The following DPP7 variants were observed in gnomAD, a reference collection of about 807,000 sequenced individuals.
DPP7 encodes dipeptidyl peptidase 2.
A neutral mutation model predicts 58.8 loss-of-function variants in DPP7; 74 were observed. That is an observed-to-expected ratio of 1.26 (90% CI 1.04 to 1.53). The LOEUF is 1.53. Among genes scored for constraint, DPP7 ranks in the 40% most tolerant of loss-of-function variants. The pLI, the probability that DPP7 is intolerant of heterozygous loss-of-function variation, is 0.00. For missense variants in DPP7, 807 were observed against 692.3 expected (o/e 1.17, Z -1.86); for synonymous variants, 350 against 303.6 (o/e 1.15, Z -1.59).
rs748569312 is a variant in DPP7, at chr9:137,112,032, G to A, written c.1051-3C>T. ...GTCAGGTTGATCTCGGTGCAGGCCT[G>A]CAGGTGCCCCAGCCTGAGTCAGGCC... On this transcript the variant is annotated splice_polypyrimidine_tract_variant and splice_region_variant and intron_variant, in intron 9 of 12. Coordinates refer to ENST00000371579, the MANE Select transcript of DPP7 (RefSeq NM_013379.3). 1.9e-6 allele frequency: 3 copies of A among 1,613,138 alleles called. No individual in the cohort carries two copies. The highest frequency in any genetic ancestry group is 2.2e-5 in the South Asian group (2 of 91,062).
Position 137,114,383 on chromosome 9 carries a change from C to T in DPP7, c.182-1G>A, listed in dbSNP as rs367644282. 5 of 1,600,840 alleles carry T rather than the reference C, an allele frequency of 3.1e-6. No individual in the cohort carries two copies. The highest frequency in any genetic ancestry group is 4.3e-6 in the Non-Finnish European group (5 of 1,174,924). On this transcript the variant is annotated splice_acceptor_variant, in intron 2 of 12. Coordinates refer to ENST00000371579, the MANE Select transcript of DPP7 (RefSeq NM_013379.3). LOFTEE classifies it high-confidence loss of function. ...CCCTCGCCCCGGACCCAGAACCTGT[C>T]TGTGGGGAGGGCGGATGAGGCGAGG...
chr9:137,113,772 C>CG, intron 4 of DPP7, 93 bp downstream of exon 4: 1 of 1,200,292 alleles, frequency 8.3e-7, no homozygotes, highest in East Asian at 3.9e-5. Flanking sequence ...GAAAAGGCAG[C>CG]GGTGGGAGTC....
Position 137,110,893 on chromosome 9 carries a change from G to C in DPP7, c.1330C>G (p.His444Asp). 6.2e-7 allele frequency: 1 copy of C among 1,612,668 alleles called. No homozygotes were observed. Among genetic ancestry groups the C allele is most frequent in the Non-Finnish European group, 8.5e-7 (1 of 1,179,858 alleles). ...IAVTIQGGAH[H>D]LDLRASHPED... ...CTCCCTCCGCACCTGAGGTCGAGGTGGTGCGCTCCCCCCTGGATGGTGACG... is the reference window on the plus strand; with the variant it reads ...CTCCCTCCGCACCTGAGGTCGAGGTCGTGCGCTCCCCCCTGGATGGTGACG... Residue 444 changes from histidine to aspartate, a missense_variant, in exon 12 of 13, where the codon CAC becomes GAC. By Grantham distance (81) the His-to-Asp change is moderately conservative. Coordinates refer to ENST00000371579, the MANE Select transcript of DPP7 (RefSeq NM_013379.3).
At chr9:137,115,654 C>T (rs573740477), upstream of DPP7, among the ~76,000 whole-genome samples, 2 of 152,250 alleles carry the variant, frequency 1.3e-5, no homozygotes, top group African/African-American at 4.8e-5. Flanking sequence ...GAAGACCGGC[C>T]ACTTCCACAG....
At chr9:137,113,793 G>A in intron 4 of DPP7, 72 bp downstream of exon 4, 2 of 1,389,138 alleles carry the variant, frequency 1.4e-6, no homozygotes, top group Non-Finnish European at 1.9e-6. Context: ...AGAGGGGAGT[G>A]GGGAGAAGGG....
At position 137,114,573 on chromosome 9, in the gene DPP7, C is replaced by A. The variant is rs199711082; in HGVS notation, c.71G>T (p.Arg24Leu). The A allele has an allele frequency of 1.3e-6, 2 of 1,536,864 alleles. No individual in the cohort carries two copies. Among genetic ancestry groups the A allele is most frequent in the Admixed American group, 2.0e-5 (1 of 50,716 alleles). ...CTGGAAGCCGGGGTCCGGGGCCCTG[C>A]GGGCTGTGGGGGGACGCGAACCTCA... is the stretch of plus-strand genomic sequence containing the variant. ...LGLRGLQAGA[R>L]RAPDPGFQER... Residue 24 changes from arginine to leucine, a missense_variant, in exon 2 of 13, where the codon CGC (arginine) becomes CTC (leucine). Coordinates refer to ENST00000371579, the MANE Select transcript of DPP7 (RefSeq NM_013379.3).
upstream of DPP7, among the ~76,000 whole-genome samples, chr9:137,116,813 G>A (rs1326967634): frequency 6.6e-6 from 1 of 152,212 alleles, no homozygotes; most frequent in African/African-American, 2.4e-5. Flanking sequence ...TCTATTCTGA[G>A]ACAGGAGAAA....
chr9:137,113,993 C>T lies in DPP7; in HGVS notation c.357G>A (p.Gln119=). 1.3e-6 allele frequency: 2 copies of T among 1,557,312 alleles called. No individual in the cohort carries two copies. The highest frequency in any genetic ancestry group is 2.4e-5 in the East Asian group (1 of 41,552). The change falls in exon 4 of 13, where the codon CAG becomes CAA. Residue 119 remains glutamine, a synonymous_variant. Transcript: ENST00000371579. ...YYGKSLPFGA[Q]STQRGHTELL... is the part of the protein sequence containing the mutation. The stretch of plus-strand genomic sequence containing the variant: ...GCTCCGTGTGCCCGCGCTGCGTGGA[C>T]TGCGCACCGAACGGCAGCGACTTCC...
At position 137,113,209 on chromosome 9, in the gene DPP7, C is replaced by T. The variant is rs1831463717; in HGVS notation, c.700G>A (p.Gly234Arg). The T allele has an allele frequency of 1.2e-6, 2 of 1,613,666 alleles. No individual in the cohort carries two copies. Among genetic ancestry groups the T allele is most frequent in the Non-Finnish European group, 1.7e-6 (2 of 1,179,960 alleles). ...GGAGGCGGTGGGAGGACCTCACCTC[C>T]CTGTAGGAACAAGTCCTTGATCTGT... ...FRQIKDLFLQGAYDTVRWEFG... is the reference protein window; with the variant it reads ...FRQIKDLFLQRAYDTVRWEFG... Residue 234 changes from glycine to arginine, a missense_variant, in exon 6 of 13, where the codon GGA (glycine) becomes AGA (arginine). Gly to Arg is a moderately radical substitution (Grantham distance 125). Around this residue, in one of 3 missense-constraint regions of DPP7, gnomAD observed 624 missense variants for 531.2 expected, o/e 1.17. Coordinates refer to ENST00000371579, the MANE Select transcript of DPP7 (RefSeq NM_013379.3).
In DPP7 at chr9:137,110,706, T is replaced by G; in HGVS notation, c.1421A>C (p.Lys474Thr). The change falls in exon 13 of 13, where the codon AAG becomes ACG. Residue 474 changes from lysine to threonine, a missense_variant. Lys to Thr is a moderately conservative substitution (Grantham distance 78, BLOSUM62 -1). This residue lies in a region of DPP7 where 624 missense variants were observed against 531.2 expected (regional missense o/e 1.17). Coordinates refer to ENST00000371579, the MANE Select transcript of DPP7 (RefSeq NM_013379.3). ...LEATIIGEWV[K>T]AARREQQPAL... Reference sequence around the variant, plus strand: ...TGGCTGCTGCTCACGCCTGGCTGCCTTTACCCACTCGCCGATGATGGTGGC... The same window carrying G: ...TGGCTGCTGCTCACGCCTGGCTGCCGTTACCCACTCGCCGATGATGGTGGC... 1 of 1,608,618 alleles carries G rather than the reference T, an allele frequency of 6.2e-7. No homozygotes were observed. Among genetic ancestry groups the G allele is most frequent in the Non-Finnish European group, 8.5e-7 (1 of 1,179,912 alleles).
In DPP7 at chr9:137,111,728, A is replaced by G. The variant is rs759971920; in HGVS notation, c.1234T>C (p.Phe412Leu). The change falls in exon 11 of 13, where the codon TTC becomes CTC. Residue 412 changes from phenylalanine (F) to leucine (L), a missense_variant. Phe to Leu is a conservative substitution (Grantham distance 22). Around this residue, in one of 3 missense-constraint regions of DPP7, gnomAD observed 624 missense variants for 531.2 expected, o/e 1.17. Coordinates refer to ENST00000371579, the MANE Select transcript of DPP7 (RefSeq NM_013379.3). ...GDLRAASNII[F>L]SNGNLDPWAG... is the part of the protein sequence containing the mutation. ...CAGGGGTCCAGGTTCCCGTTGGAGA[A>G]GATGATGTTGCTGGCGGCTCTGAGA... The G allele has an allele frequency of 6.8e-6, 11 of 1,613,688 alleles. No individual in the cohort carries two copies. Among genetic ancestry groups the G allele is most frequent in the Non-Finnish European group, 1.7e-6 (2 of 1,179,990 alleles).
At position 137,112,956 on chromosome 9, in the gene DPP7, G is replaced by T; in HGVS notation, c.867C>A (p.Val289=). Residue 289 remains valine (V), a synonymous_variant, in exon 7 of 13, where the codon GTC becomes GTA. Transcript: ENST00000371579. ...GCCCTGGGAGGCGGCGCCTCACCTT[G>T]ACGGGGTTGGCAGGGAGGGGACCCA... The part of the protein sequence containing the change: ...DFLGPLPANP[V]KVGCDRLLSE... 1 of 1,613,326 alleles carries T rather than the reference G, an allele frequency of 6.2e-7. No individual in the cohort carries two copies. Among genetic ancestry groups the T allele is most frequent in the Non-Finnish European group, 8.5e-7 (1 of 1,179,950 alleles).
upstream of DPP7, among the ~76,000 whole-genome samples, chr9:137,115,987 C>T (rs753799671): frequency 1.3e-5 from 2 of 152,172 alleles, no homozygotes; most frequent in African/African-American, 4.8e-5. Flanking sequence ...CTTAGGTGGC[C>T]AGAACTCCAC....
rs768469511 is a variant in DPP7 at position 137,113,842 on chromosome 9, C to T, written c.485+23G>A. 35 of 1,057,630 alleles carry T rather than the reference C, an allele frequency of 3.3e-5. 2 individuals are homozygous for T. The South Asian group carries it at 6.5e-4, about 20-fold the overall frequency. The allele number at this position is 1,057,630 out of a possible 1,614,324, so 65.5% of individuals were successfully genotyped here. ...GTCGGGGCAGGGGAGGGAGGGGGTG[C>T]GGAGGCCGGGGGAGGCGCCCACCTT... On this transcript the variant is annotated intron_variant, in intron 4 of 12. Transcript: ENST00000371579.
chr9:137,112,568 G>A, intron 8 of DPP7, 177 bp downstream of exon 8: 3 of 804,362 alleles, frequency 3.7e-6, no homozygotes, highest in Non-Finnish European at 5.8e-6. Flanking sequence ...GGTCCCCAGG[G>A]ACGGCCCCTG....
intron 8 of DPP7, 135 bp from the exon 9 acceptor site, chr9:137,112,365 G>A (rs1219774768): frequency 2.7e-6 from 2 of 740,670 alleles, no homozygotes; most frequent in Non-Finnish European, 4.3e-6. Flanking sequence ...AGTGAGGAAG[G>A]CCCTCCAGGC....
rs1831466355 is a variant in DPP7, at chr9:137,113,256, T to C, written c.653A>G (p.Gln218Arg). The C allele has an allele frequency of 6.2e-7, 1 of 1,613,688 alleles. No homozygotes were observed. The highest frequency in any genetic ancestry group is 8.5e-7 in the Non-Finnish European group (1 of 1,179,996). The change falls in exon 6 of 13, where the codon CAG (glutamine) becomes CGG (arginine). Residue 218 changes from glutamine to arginine, a missense_variant. By Grantham distance (43) the Gln-to-Arg change is conservative. Transcript: ENST00000371579. Reference protein sequence around the residue: ...DFEGQSPKCTQGVREAFRQIK... With the variant: ...DFEGQSPKCTRGVREAFRQIK... Reference sequence around the variant, plus strand: ...CTGTCGGAACGCTTCCCGCACACCCTGGGTGCATTTGGGACTCTGGCCCTC... The same window carrying C: ...CTGTCGGAACGCTTCCCGCACACCCCGGGTGCATTTGGGACTCTGGCCCTC...
At chr9:137,114,914 G>A, upstream of DPP7, 1 of 349,564 alleles carries the variant, frequency 2.9e-6, no homozygotes, top group Non-Finnish European at 5.1e-6. Flanking sequence ...CACGGCGCGG[G>A]GAAGCAGAGG....
chr9:137,117,685 G>T (rs1020688585), upstream of DPP7, among the ~76,000 whole-genome samples: 1 of 152,212 alleles, frequency 6.6e-6, no homozygotes, highest in Admixed American at 6.5e-5. Context: ...GGCTATCGGC[G>T]GGCGGCTGGC....
Sources: allele counts gnomAD v4.1 joint callset (sites outside exome capture counted in the v4.1 genomes callset), GRCh38; gene constraint gnomAD v4.1.1; regional missense constraint gnomAD v4.1.1; transcripts MANE v1.5; gene names NCBI Gene and HGNC (gene_info 2026-07-23, HGNC 2026-07-21).